The following SNX29 variants were observed in gnomAD, a reference collection of about 807,000 sequenced individuals.
SNX29 encodes sorting nexin 29.
In SNX29, 78 loss-of-function variants were observed where a neutral mutation model predicts 102.1. The ratio of observed to expected loss-of-function variants is 0.76; its 90% CI spans 0.64 to 0.92. The LOEUF (loss-of-function observed/expected upper bound fraction) is 0.92. Ranked by LOEUF, SNX29 falls within the 40% of genes least tolerant of loss-of-function variation. The probability of loss-of-function intolerance (pLI) is 0.00; values close to 1 mark genes in which losing one functional copy is unlikely to be tolerated. For synonymous variants in SNX29, 580 were observed against 414.5 expected (o/e 1.40, Z -4.85); for missense variants, 1,280 against 1,061.7 (o/e 1.21, Z -2.86).
intron 20 of SNX29, among the ~76,000 whole-genome samples, chr16:12,567,595 C>G (rs1016363219): frequency 2.6e-5 from 4 of 151,980 alleles, no homozygotes; most frequent in African/African-American, 7.2e-5. Context: ...GAGCAAGACC[C>G]CATCTCTACA....
intron 15 of SNX29, among the ~76,000 whole-genome samples, chr16:12,332,879 C>G (rs1238719936): frequency 1.3e-5 from 2 of 152,070 alleles, no homozygotes; most frequent in African/African-American, 4.8e-5. Flanking sequence ...CCTCGTCCTT[C>G]AAGCCTCACC....
At chr16:12,099,553 C>G (rs893122038) in intron 11 of SNX29, among the ~76,000 whole-genome samples, 1 of 152,196 alleles carries the variant, frequency 6.6e-6, no homozygotes, top group Non-Finnish European at 1.5e-5. Flanking sequence ...GGCGGCTCTG[C>G]CCTTGGCTCT....
rs546595551 is a variant in SNX29, at chr16:12,324,282, GC to G, written c.1783-31879del. 1.0e-3 allele frequency among the ~76,000 whole-genome samples: 156 copies of G among 152,152 alleles called. 1 individual carries two copies. Among genetic ancestry groups the G allele is most frequent in the Middle Eastern group, 0.01 (3 of 294 alleles). On this transcript the variant is annotated intron_variant, in intron 15 of 20. Coordinates refer to ENST00000566228, the MANE Select transcript of SNX29 (RefSeq NM_032167.5). ...TCGGTGCTGCAGAGGCAACTTGGAT[GC>G]CAGCAAGTTCCAGGCCAGTGGTATA...
intron 13 of SNX29, among the ~76,000 whole-genome samples, chr16:12,188,835 A>G (rs2076575765): frequency 6.6e-6 from 1 of 152,186 alleles, no homozygotes. Flanking sequence ...GACATCCTGG[A>G]ATTTGAGTCC....
chr16:12,070,308 C>G (rs1412171520), intron 10 of SNX29, among the ~76,000 whole-genome samples: 1 of 145,552 alleles, frequency 6.9e-6, no homozygotes, highest in Non-Finnish European at 1.5e-5. Context: ...GCTATATCTC[C>G]TAATGCTATC....
intron 9 of SNX29, among the ~76,000 whole-genome samples, chr16:12,062,956 A>T (rs532788949): frequency 1.3e-5 from 2 of 152,292 alleles, no homozygotes; most frequent in Admixed American, 1.3e-4. Context: ...CTGTTAAATG[A>T]GGCTGAGTGC....
chr16:12,457,340 G>A (rs2086583401), intron 18 of SNX29, among the ~76,000 whole-genome samples: 1 of 152,142 alleles, frequency 6.6e-6, no homozygotes, highest in Non-Finnish European at 1.5e-5. Flanking sequence ...GGTGGAGTCG[G>A]GGGTTAATTG....
chr16:12,403,298 C>G, intron 17 of SNX29, 150 bp from the exon 18 acceptor site: 1 of 510,438 alleles, frequency 2.0e-6, no homozygotes, highest in Non-Finnish European at 3.5e-6. Flanking sequence ...TGTCCTTTAG[C>G]TTGCCATCAG....
chr16:12,168,129 A>G (rs2076060195), intron 13 of SNX29, among the ~76,000 whole-genome samples: 1 of 152,230 alleles, frequency 6.6e-6, no homozygotes. Context: ...TCACTTTAGT[A>G]CAAAGAGAGA....
chr16:12,361,214 G>T (rs2082290564), intron 16 of SNX29, among the ~76,000 whole-genome samples: 3 of 152,160 alleles, frequency 2.0e-5, no homozygotes, highest in Admixed American at 2.0e-4. Flanking sequence ...CCTCTCTGTT[G>T]TCCCTGCCCA....
At chr16:12,145,635 GTTTATT>G (rs796233915) in intron 13 of SNX29, among the ~76,000 whole-genome samples, 5 of 152,262 alleles carry the variant, frequency 3.3e-5, no homozygotes, top group African/African-American at 1.2e-4. Flanking sequence ...TTTTATTCCA[GTTTATT>G]TTTATGCATA....
At chr16:12,274,689 A>G (rs2079192418) in intron 14 of SNX29, among the ~76,000 whole-genome samples, 1 of 152,080 alleles carries the variant, frequency 6.6e-6, no homozygotes, top group Admixed American at 6.5e-5. Flanking sequence ...GGCATGTGGC[A>G]CCACACCATA....
At chr16:12,144,932 A>G (rs967076748) in intron 13 of SNX29, among the ~76,000 whole-genome samples, 42 of 152,200 alleles carry the variant, frequency 2.8e-4, no homozygotes, top group African/African-American at 9.9e-4. Context: ...CGGGTTAGCC[A>G]GGATGGTCTC....
intron 18 of SNX29, among the ~76,000 whole-genome samples, chr16:12,462,826 C>T (rs897760359): frequency 6.6e-6 from 1 of 152,214 alleles, no homozygotes; most frequent in African/African-American, 2.4e-5. Context: ...GCAAATGGAG[C>T]AGCCTGTTTA....
chr16:12,403,656 C>G, intron 18 of SNX29, 127 bp downstream of exon 18: 1 of 867,752 alleles, frequency 1.2e-6, no homozygotes, highest in Non-Finnish European at 1.8e-6. Context: ...TCCAGACACC[C>G]ACATCTTAAC....
intron 14 of SNX29, among the ~76,000 whole-genome samples, chr16:12,250,598 G>A (rs917928652): frequency 1.3e-5 from 2 of 152,162 alleles, no homozygotes; most frequent in Non-Finnish European, 2.9e-5. Flanking sequence ...TGCAGTCCTC[G>A]GGTTGTGTTT....
At chr16:12,546,420 G>A (rs2077608759) in intron 20 of SNX29, 1 of 152,114 alleles carries the variant, frequency 6.6e-6, no homozygotes, top group African/African-American at 2.4e-5. Context: ...CTCTTTGCAT[G>A]GCACCATCGA....
chr16:12,553,449 T>G (rs1035459077), intron 20 of SNX29, among the ~76,000 whole-genome samples: 1 of 152,090 alleles, frequency 6.6e-6, no homozygotes, highest in Non-Finnish European at 1.5e-5. Context: ...CTGAGCATGG[T>G]GTAGACCAGC....
intron 20 of SNX29, among the ~76,000 whole-genome samples, chr16:12,534,206 GAA>G: frequency 6.6e-6 from 1 of 152,350 alleles, no homozygotes; most frequent in Admixed American, 6.5e-5. Context: ...GGCTCCATGA[GAA>G]AGGGTCCATT....
Sources: allele counts gnomAD v4.1 joint callset (sites outside exome capture counted in the v4.1 genomes callset), GRCh38; gene constraint gnomAD v4.1.1; transcripts MANE v1.5; gene names NCBI Gene and HGNC (gene_info 2026-07-23, HGNC 2026-07-21).